The following VAPA variants were observed in gnomAD, a reference collection of about 807,000 sequenced individuals.
VAPA encodes the protein vesicle-associated membrane protein-associated protein A.
VAPA carries 6 observed loss-of-function variants against 25.6 expected under a neutral mutation model. The observed-to-expected ratio is 0.23, with a 90% CI of 0.13 to 0.46. VAPA has a LOEUF of 0.46. VAPA is among the 20% of genes least tolerant of loss of function. The pLI, the probability that VAPA is intolerant of heterozygous loss-of-function variation, is 0.99. For missense variants in VAPA, 244 were observed against 302.1 expected, an observed-to-expected ratio of 0.81 and a Z score of 1.43; for synonymous variants, 112 against 106.2, an observed-to-expected ratio of 1.05 and a Z score of -0.34.
intron 4 of VAPA, among the ~76,000 whole-genome samples, chr18:9,947,105 A>G (rs2143416351): frequency 1.3e-5 from 2 of 152,264 alleles, no homozygotes; most frequent in African/African-American, 4.8e-5. Flanking sequence ...GACATCTCCT[A>G]TGTTAACAGT....
intron 4 of VAPA, among the ~76,000 whole-genome samples, chr18:9,939,633 T>C (rs1320348066): frequency 5.9e-5 from 9 of 152,076 alleles, no homozygotes; most frequent in Admixed American, 5.9e-4. Context: ...CTATTTAACC[T>C]TTTTTCCCTG....
rs1324356471 is a variant in VAPA at position 9,959,345 on chromosome 18, C to T, written c.*5134C>T. 1 of 152,098 alleles carries T rather than the reference C, an allele frequency of 6.6e-6. No individual in the cohort carries two copies. Among genetic ancestry groups the T allele is most frequent in the Non-Finnish European group, 1.5e-5 (1 of 68,012 alleles). 9.4% of individuals were successfully genotyped at this position (152,098 alleles called of 1,614,324 possible). A position where few individuals can be genotyped will look rare whatever the true frequency, so the allele number is the denominator to read the frequency against. On this transcript the variant is annotated 3_prime_UTR_variant, in exon 6 of 6. Coordinates refer to ENST00000400000, the MANE Select transcript of VAPA (RefSeq NM_194434.3). Reference sequence around the variant, plus strand: ...TTAAATTTTTGAAGACTGCTTTCCCCCTTTATCTCCCAGAAAATTGAGAAG... The same window carrying T: ...TTAAATTTTTGAAGACTGCTTTCCCTCTTTATCTCCCAGAAAATTGAGAAG...
intron 4 of VAPA, chr18:9,949,955 T>C (rs1206580050): frequency 6.4e-6 from 1 of 155,260 alleles, no homozygotes; most frequent in East Asian, 1.9e-4. Context: ...TTGGAATGAT[T>C]ACGATAATAT....
chr18:9,956,235 G>A lies in VAPA; in HGVS notation c.*2024G>A, dbSNP rs974407272. On this transcript the variant is annotated 3_prime_UTR_variant, in exon 6 of 6. Coordinates refer to ENST00000400000, the MANE Select transcript of VAPA (RefSeq NM_194434.3). Reference sequence around the variant, plus strand: ...AGGCAGAGCTGGAACTAGATATCTGGTCTGTTGACTCTAGCTCAGTGTCTT... The same window carrying A: ...AGGCAGAGCTGGAACTAGATATCTGATCTGTTGACTCTAGCTCAGTGTCTT... 5 of 152,106 alleles carry A rather than the reference G, an allele frequency of 3.3e-5. No individual in the cohort carries two copies. Among genetic ancestry groups the A allele is most frequent in the Admixed American group, 3.3e-4 (5 of 15,262 alleles). The allele number at this position is 152,106 out of a possible 1,614,324, so 9.4% of individuals were successfully genotyped here. A position where few individuals can be genotyped will look rare whatever the true frequency, so the allele number is the denominator to read the frequency against.
At chr18:9,927,578 C>T (rs931703194) in intron 1 of VAPA, among the ~76,000 whole-genome samples, 1 of 149,878 alleles carries the variant, frequency 6.7e-6, no homozygotes, top group South Asian at 2.1e-4. Flanking sequence ...AGTCATTGTT[C>T]TGAATGGTTG....
chr18:9,934,985 C>G (rs2069293368), intron 2 of VAPA, among the ~76,000 whole-genome samples: 1 of 151,158 alleles, frequency 6.6e-6, no homozygotes, highest in African/African-American at 2.4e-5. Flanking sequence ...GTCCCAGCTA[C>G]TCGGGAGGCT....
chr18:9,931,563 T>C (rs539825401), intron 1 of VAPA, among the ~76,000 whole-genome samples: 1 of 152,292 alleles, frequency 6.6e-6, no homozygotes, highest in African/African-American at 2.4e-5. Context: ...TTCATAGTAC[T>C]TTTTTGATAG....
intron 1 of VAPA, chr18:9,924,832 A>G (rs1434263582): frequency 6.6e-6 from 1 of 152,132 alleles, no homozygotes; most frequent in Non-Finnish European, 1.5e-5. Flanking sequence ...AAGGTCCATC[A>G]GCTAGGTAAT....
At chr18:9,914,372 C>A in intron 1 of VAPA, 37 bp downstream of exon 1, 2 of 1,532,974 alleles carry the variant, frequency 1.3e-6, no homozygotes, top group Non-Finnish European at 1.8e-6. Flanking sequence ...TGGGGTGGGG[C>A]GCGCGGACCG....
At chr18:9,938,827 G>C (rs947889223) in intron 4 of VAPA, among the ~76,000 whole-genome samples, 2 of 152,196 alleles carry the variant, frequency 1.3e-5, no homozygotes, top group African/African-American at 4.8e-5. Flanking sequence ...GGTAGGAGGA[G>C]TACAGTGAAC....
chr18:9,944,179 ACT>A (rs2069397412), intron 4 of VAPA, among the ~76,000 whole-genome samples: 1 of 152,050 alleles, frequency 6.6e-6, no homozygotes, highest in Non-Finnish European at 1.5e-5. Context: ...AGAAAAAAAT[ACT>A]GATTTTTTTT....
In VAPA at chr18:9,959,064, T is replaced by C. The variant is rs984684744; in HGVS notation, c.*4853T>C. ...TCATTGATAACTTGTGAAATACTTA[T>C]CTCCATCCTATGGAATAGGGGAGAC... is the stretch of plus-strand genomic sequence containing the variant. On this transcript the variant is annotated 3_prime_UTR_variant, in exon 6 of 6. Coordinates refer to ENST00000400000, the MANE Select transcript of VAPA (RefSeq NM_194434.3). 8 of 152,134 alleles carry C rather than the reference T, an allele frequency of 5.3e-5. No homozygotes were observed. The highest frequency in any genetic ancestry group is 1.9e-4 in the African/African-American group (8 of 41,438). The allele number at this position is 152,134 out of a possible 1,614,324, so 9.4% of individuals were successfully genotyped here. A position where few individuals can be genotyped will look rare whatever the true frequency, so the allele number is the denominator to read the frequency against.
chr18:9,920,364 G>A (rs142246094), intron 1 of VAPA, among the ~76,000 whole-genome samples: 1 of 152,160 alleles, frequency 6.6e-6, no homozygotes, highest in Admixed American at 6.5e-5. Context: ...GTGCAGTGGC[G>A]CTATCTCGGC....
At chr18:9,945,115 A>G in intron 4 of VAPA, 1 of 1,574,024 alleles carries the variant, frequency 6.4e-7, no homozygotes, top group South Asian at 1.1e-5. Flanking sequence ...GGTTAAGTTA[A>G]TGTAGATACC....
rs982821728 is a variant in VAPA at position 9,914,054 on chromosome 18, G to A, written c.-203G>A. On this transcript the variant is annotated 5_prime_UTR_variant, in exon 1 of 6. Transcript: ENST00000400000. ...GCGCGTGGCCGTGGCGGCTGGTGTG[G>A]GGTTGAGTCAGTTGTGGGACCCGGA... The A allele has an allele frequency of 2.4e-4, 120 of 505,224 alleles. No individual in the cohort carries two copies. Among genetic ancestry groups the A allele is most frequent in the African/African-American group, 2.2e-3 (105 of 48,556 alleles). The allele number at this position is 505,224 out of a possible 1,614,324, so 31.3% of individuals were successfully genotyped here. A position where few individuals can be genotyped will look rare whatever the true frequency, so the allele number is the denominator to read the frequency against.
At chr18:9,943,543 T>A (rs539915473) in intron 4 of VAPA, among the ~76,000 whole-genome samples, 31 of 152,314 alleles carry the variant, frequency 2.0e-4, no homozygotes, top group African/African-American at 7.0e-4. Flanking sequence ...TTCCCTGTAT[T>A]GTTGACAGCT....
chr18:9,925,757 T>C (rs1460229218), intron 1 of VAPA, among the ~76,000 whole-genome samples: 2 of 152,092 alleles, frequency 1.3e-5, no homozygotes, highest in Non-Finnish European at 2.9e-5. Flanking sequence ...TTTGAGTGCT[T>C]GATACTTATT....
At chr18:9,923,702 G>C (rs747023612) in intron 1 of VAPA, among the ~76,000 whole-genome samples, 6 of 151,996 alleles carry the variant, frequency 3.9e-5, no homozygotes, top group African/African-American at 7.2e-5. Flanking sequence ...TCTTGGTCTT[G>C]TTTTCTGAGT....
chr18:9,947,360 ATGTAT>A (rs1373564724), intron 4 of VAPA, among the ~76,000 whole-genome samples: 2 of 152,206 alleles, frequency 1.3e-5, no homozygotes, highest in African/African-American at 4.8e-5. Flanking sequence ...AACGTGAATA[ATGTAT>A]TGTGATAAGA....
Sources: gnomAD v4.1 joint callset for allele counts (sites outside exome capture counted in the v4.1 genomes callset) on GRCh38, gnomAD v4.1.1 for gene constraint, MANE v1.5 for transcripts, NCBI Gene and HGNC (gene_info 2026-07-23, HGNC 2026-07-21) for gene names.